PDGFC: variants seen among roughly 807,000 people sequenced by gnomAD.
PDGFC encodes the protein platelet-derived growth factor C.
PDGFC carries 12 observed loss-of-function variants against 35.5 expected under a neutral mutation model. That is an observed-to-expected ratio of 0.34 (90% CI 0.22 to 0.55). The LOEUF (loss-of-function observed/expected upper bound fraction) is 0.55. Among genes scored for constraint, PDGFC ranks in the 20% least tolerant of loss-of-function variants. The probability of loss-of-function intolerance (pLI) is 0.91; values close to 1 mark genes in which losing one functional copy is unlikely to be tolerated. For synonymous variants in PDGFC, 159 were observed against 148.8 expected, an observed-to-expected ratio of 1.07 and a Z score of -0.50; for missense variants, 322 against 412.4, an observed-to-expected ratio of 0.78 and a Z score of 1.90.
chr4:156,776,136 T>A (rs1273628582), intron 3 of PDGFC, among the ~76,000 whole-genome samples: 3 of 152,056 alleles, frequency 2.0e-5, no homozygotes, highest in South Asian at 4.2e-4. Context: ...GAAAAAAAAA[T>A]GTCTTTGAAT....
intron 1 of PDGFC, among the ~76,000 whole-genome samples, chr4:156,917,179 A>G (rs1731172571): frequency 6.6e-6 from 1 of 152,214 alleles, no homozygotes; most frequent in South Asian, 2.1e-4. Flanking sequence ...ATGGCCTTCA[A>G]GATCGATTTT....
intron 3 of PDGFC, among the ~76,000 whole-genome samples, chr4:156,808,705 C>G (rs1481347399): frequency 3.3e-5 from 5 of 151,852 alleles, no homozygotes; most frequent in Admixed American, 3.3e-4. Flanking sequence ...AATGATAATT[C>G]AAAACATTCT....
chr4:156,819,124 G>A (rs567273348), intron 2 of PDGFC, among the ~76,000 whole-genome samples: 9 of 152,292 alleles, frequency 5.9e-5, no homozygotes, highest in African/African-American at 1.9e-4. Flanking sequence ...TGCTTCATGA[G>A]GTTGAATGAA....
intron 1 of PDGFC, among the ~76,000 whole-genome samples, chr4:156,880,265 C>T (rs1216139464): frequency 6.6e-6 from 1 of 152,054 alleles, no homozygotes; most frequent in African/African-American, 2.4e-5. Context: ...GGACTAACAC[C>T]ATTGGTGAAT....
chr4:156,892,088 G>T (rs1730526780), intron 1 of PDGFC, among the ~76,000 whole-genome samples: 2 of 152,204 alleles, frequency 1.3e-5, no homozygotes, highest in South Asian at 4.2e-4. Flanking sequence ...GTCCTGACTG[G>T]GTTCAAATGC....
chr4:156,924,084 A>C (rs1235549483), intron 1 of PDGFC, among the ~76,000 whole-genome samples: 2 of 152,208 alleles, frequency 1.3e-5, no homozygotes, highest in African/African-American at 4.8e-5. Flanking sequence ...ATGCCACACC[A>C]GCCAAGCAGC....
chr4:156,883,940 G>A (rs1031413704), intron 1 of PDGFC, among the ~76,000 whole-genome samples: 1 of 152,084 alleles, frequency 6.6e-6, no homozygotes, highest in Admixed American at 6.6e-5. Flanking sequence ...AAGGTCTCTG[G>A]TCACAAACAA....
At chr4:156,865,434 T>C (rs72683352) in intron 1 of PDGFC, among the ~76,000 whole-genome samples, 7,490 of 152,192 alleles carry the variant, frequency 0.049, 207 homozygotes, top group Middle Eastern at 0.085. Context: ...AAAATGTATA[T>C]AGAAAAGAAT....
chr4:156,917,212 C>T (rs1731173121), intron 1 of PDGFC, among the ~76,000 whole-genome samples: 1 of 152,170 alleles, frequency 6.6e-6, no homozygotes, highest in Non-Finnish European at 1.5e-5. Flanking sequence ...ATCACTCAAC[C>T]CATTGGGGAA....
chr4:156,897,350 ATG>A lies in PDGFC; in HGVS notation c.119-46936_119-46935del, dbSNP rs70956698. ...AATATGAGAGAGTGTGTGAGAGTGT[ATG>A]TGTGTGTGTGTGTGTGTGTGTGTGT... On this transcript the variant is annotated intron_variant, in intron 1 of 5. Coordinates refer to ENST00000502773, the MANE Select transcript of PDGFC (RefSeq NM_016205.3). Among the ~76,000 whole-genome samples, 1,413 of 142,996 alleles carry A rather than the reference ATG, an allele frequency of 9.9e-3. 13 individuals are homozygous for A. Among genetic ancestry groups the A allele is most frequent in the East Asian group, 0.03 (144 of 4,860 alleles). The allele number at this position is 142,996 out of a possible 152,430, so 93.8% of individuals were successfully genotyped here.
intron 2 of PDGFC, among the ~76,000 whole-genome samples, chr4:156,823,544 C>T (rs1579033691): frequency 2.0e-5 from 3 of 152,080 alleles, no homozygotes; most frequent in Admixed American, 1.3e-4. Context: ...GCTCCTCATG[C>T]AAAGATCACT....
At chr4:156,825,623 G>GAAGAAGAAGAAGAAGAAGAAAAGA (rs1732443929) in intron 2 of PDGFC, among the ~76,000 whole-genome samples, 1 of 142,112 alleles carries the variant, frequency 7.0e-6, no homozygotes, top group African/African-American at 2.6e-5. Context: ...AGAAGAAGAA[G>GAAGAAGAAGAAGAAGAAGAAAAGA]AAGAAGAAGA....
chr4:156,912,359 C>T (rs904707074), intron 1 of PDGFC, among the ~76,000 whole-genome samples: 5 of 152,106 alleles, frequency 3.3e-5, no homozygotes, highest in African/African-American at 2.4e-5. Context: ...GAACTCAGTT[C>T]CTGGTATATT....
chr4:156,967,357 T>C (rs892449627), intron 1 of PDGFC: 3 of 152,074 alleles, frequency 2.0e-5, no homozygotes, highest in Admixed American at 6.6e-5. Context: ...AAACACAAGA[T>C]ACCGGCAAAA....
chr4:156,891,921 G>A (rs1323715192), intron 1 of PDGFC, among the ~76,000 whole-genome samples: 3 of 152,126 alleles, frequency 2.0e-5, no homozygotes. Context: ...TGAATAACTG[G>A]AACATAAACC....
chr4:156,890,813 T>C (rs1388702845), intron 1 of PDGFC, among the ~76,000 whole-genome samples: 1 of 152,212 alleles, frequency 6.6e-6, no homozygotes, highest in African/African-American at 2.4e-5. Flanking sequence ...AATATAAATT[T>C]AAAGAATATC....
chr4:156,830,034 A>G (rs1271805556), intron 2 of PDGFC, among the ~76,000 whole-genome samples: 2 of 152,180 alleles, frequency 1.3e-5, no homozygotes. Context: ...GTATCTGAAA[A>G]GCTGTGTTAA....
intron 1 of PDGFC, among the ~76,000 whole-genome samples, chr4:156,881,295 G>A (rs1429784640): frequency 1.3e-5 from 2 of 152,080 alleles, no homozygotes; most frequent in Non-Finnish European, 2.9e-5. Flanking sequence ...TTTTACTTAA[G>A]GTATGTACAT....
At chr4:156,920,860 A>C (rs2110839816) in intron 1 of PDGFC, among the ~76,000 whole-genome samples, 1 of 152,308 alleles carries the variant, frequency 6.6e-6, no homozygotes, top group Non-Finnish European at 1.5e-5. Context: ...TATAATCAAC[A>C]ATTTTGAATA....
Sources: allele counts gnomAD v4.1 joint callset (sites outside exome capture counted in the v4.1 genomes callset), GRCh38; gene constraint gnomAD v4.1.1; transcripts MANE v1.5; gene names NCBI Gene and HGNC (gene_info 2026-07-23, HGNC 2026-07-21).